Variants in CD44 observed in about 807,000 individuals in gnomAD.
CD44 encodes CD44 molecule (IN blood group).
CD44 carries 49 observed loss-of-function variants against 88.8 expected under a neutral mutation model. The observed-to-expected ratio is 0.55, with a 90% CI of 0.44 to 0.70. The LOEUF is 0.70. Ranked by LOEUF, CD44 falls within the 30% of genes least tolerant of loss-of-function variation. CD44 has a pLI of 0.00. For synonymous variants in CD44, 325 were observed against 312.3 expected, an observed-to-expected ratio of 1.04 and a Z score of -0.43; for missense variants, 883 against 913.8, an observed-to-expected ratio of 0.97 and a Z score of 0.43.
intron 17 of CD44, among the ~76,000 whole-genome samples, chr11:35,228,450 G>T (rs1444148456): frequency 6.6e-6 from 1 of 152,132 alleles, no homozygotes; most frequent in African/African-American, 2.4e-5. Context: ...GGAAGTTATG[G>T]GACTTTCTGG....
At chr11:35,214,483 C>T (rs994367760) in intron 14 of CD44, among the ~76,000 whole-genome samples, 19 of 152,158 alleles carry the variant, frequency 1.2e-4, no homozygotes, top group African/African-American at 4.6e-4. Context: ...TTAAAATGTA[C>T]AATGTCTAGT....
At chr11:35,224,651 C>T (rs1312576583) in intron 17 of CD44, among the ~76,000 whole-genome samples, 3 of 152,120 alleles carry the variant, frequency 2.0e-5, no homozygotes, top group Non-Finnish European at 2.9e-5. Flanking sequence ...GTAGAAGAAT[C>T]GCTTGAGCCC....
intron 3 of CD44, among the ~76,000 whole-genome samples, chr11:35,181,177 A>G (rs2133734145): frequency 6.6e-6 from 1 of 152,252 alleles, no homozygotes; most frequent in African/African-American, 2.4e-5. Context: ...AGAGGGCTGG[A>G]AAAAAGCCTT....
At chr11:35,213,418 A>T (rs1948565356) in intron 14 of CD44, among the ~76,000 whole-genome samples, 1 of 152,196 alleles carries the variant, frequency 6.6e-6, no homozygotes, top group Non-Finnish European at 1.5e-5. Context: ...GCATTTGTTG[A>T]AGCAAGCGGA....
At chr11:35,181,902 ATATAATATATATTATATAT>A in intron 3 of CD44, among the ~76,000 whole-genome samples, 1 of 59,710 alleles carries the variant, frequency 1.7e-5, no homozygotes, top group Non-Finnish European at 2.9e-5. Flanking sequence ...ATAATATAAT[ATATAATATATATTATATAT>A]TATATTATAT....
At position 35,206,164 on chromosome 11, in the gene CD44, A is replaced by G. The variant is rs1448390033; in HGVS notation, c.1335A>G (p.Pro445=). ...TGCAAGGAAGGACAACACCAAGCCC[A>G]GAGGACAGTTCCTGGACTGATTTCT... ...HPMQGRTTPS[P]EDSSWTDFFN... The change falls in exon 11 of 18, where the codon CCA becomes CCG. Residue 445 remains proline (P), a synonymous_variant. Coordinates refer to ENST00000428726, the MANE Select transcript of CD44 (RefSeq NM_000610.4). 6.2e-7 allele frequency: 1 copy of G among 1,612,520 alleles called. No homozygotes were observed. Among genetic ancestry groups the G allele is most frequent in the Admixed American group, 1.7e-5 (1 of 59,850 alleles).
chr11:35,155,352 T>A (rs1337219117), intron 1 of CD44, among the ~76,000 whole-genome samples: 1 of 152,164 alleles, frequency 6.6e-6, no homozygotes, highest in Non-Finnish European at 1.5e-5. Context: ...CTACAATGAG[T>A]AAGGGAGTCC....
At chr11:35,209,894 C>G in intron 12 of CD44, 71 bp from the exon 13 acceptor site, 1 of 989,200 alleles carries the variant, frequency 1.0e-6, no homozygotes, top group Non-Finnish European at 1.5e-6. Context: ...GCTAGATTTT[C>G]CTTGCTAGCA....
intron 3 of CD44, among the ~76,000 whole-genome samples, chr11:35,182,184 C>A (rs978945265): frequency 6.7e-6 from 1 of 150,140 alleles, no homozygotes; most frequent in South Asian, 2.1e-4. Flanking sequence ...ATTATGAGAT[C>A]TTTCTTCTAC....
chr11:35,183,060 G>A (rs906686414), intron 3 of CD44, among the ~76,000 whole-genome samples: 7 of 152,192 alleles, frequency 4.6e-5, no homozygotes, highest in Non-Finnish European at 4.4e-5. Context: ...TGGAGGGTTA[G>A]TTCAGTTGAA....
At chr11:35,192,611 G>C (rs1276423160) in intron 5 of CD44, among the ~76,000 whole-genome samples, 2 of 152,212 alleles carry the variant, frequency 1.3e-5, no homozygotes, top group African/African-American at 4.8e-5. Context: ...CAGCTAGTAA[G>C]AATAACCATC....
chr11:35,181,859 AT>A (rs1445491550), intron 3 of CD44, among the ~76,000 whole-genome samples: 1 of 86,014 alleles, frequency 1.2e-5, no homozygotes, highest in Non-Finnish European at 2.0e-5. Context: ...TTATATATAA[AT>A]TTATATATAT....
At position 35,221,690 on chromosome 11, in the gene CD44, C is replaced by T; in HGVS notation, c.1982C>T (p.Ala661Val). Residue 661 changes from alanine to valine, a missense_variant, in exon 17 of 18, where the codon GCT becomes GTT. Ala to Val is a moderately conservative substitution (Grantham distance 64). Transcript: ENST00000428726. ...ATCTTGGCATCCCTCTTGGCCTTGG[C>T]TTTGATTCTTGCAGTTTGCATTGCA... ...LIILASLLAL[A>V]LILAVCIAVN... The T allele has an allele frequency of 2.5e-6, 4 of 1,614,118 alleles. No homozygotes were observed. Among genetic ancestry groups the T allele is most frequent in the Non-Finnish European group, 2.5e-6 (3 of 1,179,950 alleles).
chr11:35,177,381 A>G (rs1944574432), intron 2 of CD44, among the ~76,000 whole-genome samples: 1 of 152,216 alleles, frequency 6.6e-6, no homozygotes, highest in Admixed American at 6.5e-5. Flanking sequence ...CAAGGACTTT[A>G]TTTTTTGAAT....
At chr11:35,189,230 C>T (rs1946027491) in intron 4 of CD44, among the ~76,000 whole-genome samples, 1 of 152,194 alleles carries the variant, frequency 6.6e-6, no homozygotes, top group Non-Finnish European at 1.5e-5. Flanking sequence ...GGCAAATGCT[C>T]TTCTGTATTT....
At chr11:35,169,413 AACACACACACACAC>A (rs5791036) in intron 1 of CD44, among the ~76,000 whole-genome samples, 3 of 148,968 alleles carry the variant, frequency 2.0e-5, no homozygotes, top group Admixed American at 6.7e-5. Flanking sequence ...GCCCTACCTA[AACACACACACACAC>A]ACACACACAC....
At chr11:35,201,243 C>T in intron 8 of CD44, 48 bp downstream of exon 8, 1 of 1,287,072 alleles carries the variant, frequency 7.8e-7, no homozygotes, top group Non-Finnish European at 1.1e-6. Context: ...CCCTCAAAGC[C>T]CATGATGCTG....
chr11:35,174,358 G>A (rs1383029605), intron 1 of CD44, among the ~76,000 whole-genome samples: 1 of 152,136 alleles, frequency 6.6e-6, no homozygotes, highest in African/African-American at 2.4e-5. Context: ...AACAAGGAGT[G>A]GTGCCTGGCC....
intron 1 of CD44, among the ~76,000 whole-genome samples, chr11:35,152,801 A>C (rs1230612279): frequency 6.6e-6 from 1 of 152,124 alleles, no homozygotes; most frequent in East Asian, 1.9e-4. Context: ...TTGCAAATGC[A>C]TTCAGCCTGC....
Sources: allele counts gnomAD v4.1 joint callset (sites outside exome capture counted in the v4.1 genomes callset), GRCh38; gene constraint gnomAD v4.1.1; transcripts MANE v1.5; gene names NCBI Gene and HGNC (gene_info 2026-07-23, HGNC 2026-07-21).